ITGA9: variants seen among roughly 807,000 people sequenced by gnomAD.
The protein encoded by ITGA9 is integrin subunit alpha 9, also known as integrin alpha-9.
In ITGA9, 56 loss-of-function variants were observed where a neutral mutation model predicts 127.8. The ratio of observed to expected loss-of-function variants is 0.44; its 90% CI spans 0.35 to 0.55. The LOEUF is 0.55. ITGA9 is among the 20% of genes least tolerant of loss of function. The probability of loss-of-function intolerance (pLI) is 0.00; values close to 1 mark genes in which losing one functional copy is unlikely to be tolerated. For synonymous variants in ITGA9, 508 were observed against 514.5 expected, an observed-to-expected ratio of 0.99 and a Z score of 0.17; for missense variants, 1,196 against 1,347.1, an observed-to-expected ratio of 0.89 and a Z score of 1.76.
intron 15 of ITGA9, among the ~76,000 whole-genome samples, chr3:37,565,105 A>G (rs967053425): frequency 9.2e-5 from 14 of 152,148 alleles, no homozygotes; most frequent in African/African-American, 3.4e-4. Context: ...CACATTTCTT[A>G]TGTCAGGTTC....
chr3:37,711,800 G>A (rs1225514405), intron 18 of ITGA9, among the ~76,000 whole-genome samples: 2 of 152,204 alleles, frequency 1.3e-5, no homozygotes, highest in African/African-American at 4.8e-5. Flanking sequence ...TATAAGTTAA[G>A]TACCATGTGT....
At chr3:37,504,317 A>G (rs1698818759) in intron 6 of ITGA9, among the ~76,000 whole-genome samples, 1 of 152,210 alleles carries the variant, frequency 6.6e-6, no homozygotes, top group Non-Finnish European at 1.5e-5. Flanking sequence ...ATTATTATCT[A>G]CATTTTATAG....
At chr3:37,460,462 A>G (rs555466311) in intron 1 of ITGA9, among the ~76,000 whole-genome samples, 1 of 152,344 alleles carries the variant, frequency 6.6e-6, no homozygotes, top group Non-Finnish European at 1.5e-5. Context: ...ATCACTTGTA[A>G]CATAAAGGAT....
chr3:37,716,507 C>G (rs916832015), intron 18 of ITGA9, among the ~76,000 whole-genome samples: 2 of 151,000 alleles, frequency 1.3e-5, no homozygotes, highest in African/African-American at 4.9e-5. Flanking sequence ...TCTGCAGGCT[C>G]AAAGCATGGG....
At chr3:37,695,328 A>G (rs1240187379) in intron 18 of ITGA9, among the ~76,000 whole-genome samples, 1 of 152,212 alleles carries the variant, frequency 6.6e-6, no homozygotes. Context: ...TCCAAGGAGC[A>G]TTGGGTGGGG....
chr3:37,770,494 T>G (rs1435804909), intron 23 of ITGA9, among the ~76,000 whole-genome samples: 3 of 152,156 alleles, frequency 2.0e-5, no homozygotes, highest in Non-Finnish European at 4.4e-5. Context: ...CTCTTAGAAG[T>G]GCCTGACTGA....
At chr3:37,465,602 C>T (rs1698361617) in intron 1 of ITGA9, among the ~76,000 whole-genome samples, 1 of 152,236 alleles carries the variant, frequency 6.6e-6, no homozygotes, top group African/African-American at 2.4e-5. Context: ...TGCACCCACA[C>T]TGCTTATTAA....
intron 26 of ITGA9, chr3:37,790,043 C>T (rs1697089620): frequency 1.8e-6 from 1 of 559,688 alleles, no homozygotes. Context: ...ATTTTCTCAG[C>T]AGTCCATGTT....
chr3:37,650,541 C>T (rs977996115), intron 16 of ITGA9, among the ~76,000 whole-genome samples: 6 of 152,108 alleles, frequency 3.9e-5, no homozygotes, highest in South Asian at 4.1e-4. Flanking sequence ...AAGCAATTCT[C>T]CTGCCTCAGC....
intron 7 of ITGA9, among the ~76,000 whole-genome samples, chr3:37,507,781 G>T (rs1318913507): frequency 6.6e-6 from 1 of 152,110 alleles, no homozygotes; most frequent in Non-Finnish European, 1.5e-5. Flanking sequence ...ATATTCTAGT[G>T]TCAGGGCACA....
chr3:37,713,176 A>T (rs1040902709), intron 18 of ITGA9, among the ~76,000 whole-genome samples: 1 of 152,170 alleles, frequency 6.6e-6, no homozygotes, highest in African/African-American at 2.4e-5. Flanking sequence ...TGGCTCGCTG[A>T]TGGGAGACAG....
chr3:37,452,579 C>T lies in ITGA9; in HGVS notation c.185+20C>T, dbSNP rs1698206637. ...GCGCTGGTGAGTGCCCGCCCGACTC[C>T]GCGACCCTGGCCCGCGCGGCCACCG... On this transcript the variant is annotated intron_variant, in intron 1 of 27. Transcript: ENST00000264741. The surrounding 1 kb of genome is among the most constrained non-coding windows in gnomAD (Gnocchi z 7.3). 2 of 1,502,726 alleles carry T rather than the reference C, an allele frequency of 1.3e-6. No homozygotes were observed. Among genetic ancestry groups the T allele is most frequent in the Non-Finnish European group, 8.9e-7 (1 of 1,124,014 alleles). The allele number at this position is 1,502,726 out of a possible 1,614,324, so 93.1% of individuals were successfully genotyped here. A position where few individuals can be genotyped will look rare whatever the true frequency, so the allele number is the denominator to read the frequency against.
intron 27 of ITGA9, among the ~76,000 whole-genome samples, chr3:37,811,823 G>A (rs1209609797): frequency 6.6e-6 from 1 of 152,232 alleles, no homozygotes; most frequent in Non-Finnish European, 1.5e-5. Flanking sequence ...GAGACAGGCT[G>A]CAGAATGTGT....
chr3:37,778,137 T>A (rs1394139479), intron 24 of ITGA9, among the ~76,000 whole-genome samples: 2 of 152,202 alleles, frequency 1.3e-5, no homozygotes, highest in Non-Finnish European at 2.9e-5. Flanking sequence ...AAAAGCCACA[T>A]ATTGTAATAT....
intron 18 of ITGA9, among the ~76,000 whole-genome samples, chr3:37,722,766 G>T (rs1413905836): frequency 6.6e-6 from 1 of 152,172 alleles, no homozygotes; most frequent in Non-Finnish European, 1.5e-5. Context: ...TACAAATTAT[G>T]CTGCTATCAA....
chr3:37,490,342 T>G (rs924385271), intron 4 of ITGA9, among the ~76,000 whole-genome samples: 5 of 152,208 alleles, frequency 3.3e-5, no homozygotes, highest in Admixed American at 6.5e-5. Flanking sequence ...ACATACTGAT[T>G]CTTTGAAGAG....
intron 17 of ITGA9, among the ~76,000 whole-genome samples, chr3:37,655,130 G>C (rs1416228881): frequency 6.6e-6 from 1 of 152,152 alleles, no homozygotes; most frequent in Non-Finnish European, 1.5e-5. Flanking sequence ...CTTTGCTATT[G>C]TAAAGAGTGC....
intron 15 of ITGA9, among the ~76,000 whole-genome samples, chr3:37,621,414 C>A (rs1297473912): frequency 6.6e-6 from 1 of 152,196 alleles, no homozygotes; most frequent in African/African-American, 2.4e-5. Context: ...ACAGACCTGC[C>A]ATCCCTGGCC....
At chr3:37,778,636 T>C (rs537274008) in intron 24 of ITGA9, among the ~76,000 whole-genome samples, 121 of 151,670 alleles carry the variant, frequency 8.0e-4, no homozygotes, top group African/African-American at 2.7e-3. Context: ...AAAAAAATTA[T>C]AAAGACACAC....
Sources: gnomAD v4.1 joint callset for allele counts (sites outside exome capture counted in the v4.1 genomes callset) on GRCh38, gnomAD v4.1.1 for gene constraint, Gnocchi (gnomAD v3.1) non-coding constraint, MANE v1.5 for transcripts, NCBI Gene and HGNC (gene_info 2026-07-23, HGNC 2026-07-21) for gene names.